The following CFAP299 variants were observed in gnomAD, a reference collection of about 807,000 sequenced individuals.
The protein encoded by CFAP299 is cilia and flagella associated protein 299, also known as cilia- and flagella-associated protein 299.
In CFAP299, 21 loss-of-function variants were observed where a neutral mutation model predicts 27.0. That is an observed-to-expected ratio of 0.78 (90% confidence interval 0.55 to 1.12). CFAP299 has a LOEUF of 1.12. Among genes scored for constraint, CFAP299 ranks in the 50% most tolerant of loss-of-function variants. CFAP299 has a pLI of 0.00. For missense variants in CFAP299, 310 were observed against 276.6 expected (o/e 1.12, Z -0.86); for synonymous variants, 104 against 98.1 (o/e 1.06, Z -0.36).
chr4:80,604,471 T>C (rs1737534199), intron 3 of CFAP299, among the ~76,000 whole-genome samples: 1 of 152,194 alleles, frequency 6.6e-6, no homozygotes, highest in Non-Finnish European at 1.5e-5. Flanking sequence ...AGAATTGATG[T>C]CTTGACACAA....
At chr4:80,884,672 A>G (rs1323839105) in intron 4 of CFAP299, among the ~76,000 whole-genome samples, 1 of 150,794 alleles carries the variant, frequency 6.6e-6, no homozygotes, top group Non-Finnish European at 1.5e-5. Flanking sequence ...AAAAAAATAG[A>G]AAAGAGCAAC....
At chr4:80,514,957 ATG>A in intron 2 of CFAP299, among the ~76,000 whole-genome samples, 1 of 152,194 alleles carries the variant, frequency 6.6e-6, no homozygotes, top group South Asian at 2.1e-4. Context: ...CAAAATATTA[ATG>A]AGTCACCTCA....
At chr4:80,672,779 G>C (rs1741573104) in intron 3 of CFAP299, among the ~76,000 whole-genome samples, 1 of 152,152 alleles carries the variant, frequency 6.6e-6, no homozygotes, top group Non-Finnish European at 1.5e-5. Context: ...AGATTTTCTA[G>C]TTTATTTGCA....
intron 3 of CFAP299, among the ~76,000 whole-genome samples, chr4:80,691,564 A>G (rs1277453947): frequency 6.6e-6 from 1 of 152,102 alleles, no homozygotes; most frequent in Admixed American, 6.5e-5. Flanking sequence ...GGAGCTATCT[A>G]TGACAAACCC....
chr4:80,456,176 G>A (rs1167767452), intron 2 of CFAP299, among the ~76,000 whole-genome samples: 5 of 152,108 alleles, frequency 3.3e-5, no homozygotes, highest in Non-Finnish European at 5.9e-5. Flanking sequence ...ACAGCAAGGA[G>A]GTGAGTGTGG....
intron 3 of CFAP299, among the ~76,000 whole-genome samples, chr4:80,753,706 T>C (rs1725067592): frequency 6.6e-6 from 1 of 152,164 alleles, no homozygotes; most frequent in South Asian, 2.1e-4. Flanking sequence ...CTCTTCAGTT[T>C]GGGACATTTC....
At chr4:80,638,565 A>C (rs1475173757) in intron 3 of CFAP299, among the ~76,000 whole-genome samples, 2 of 152,112 alleles carry the variant, frequency 1.3e-5, no homozygotes, top group Non-Finnish European at 2.9e-5. Flanking sequence ...GGAGTCCAAC[A>C]CTTGAGTCAT....
At chr4:80,858,096 G>T (rs1229733933) in intron 3 of CFAP299, among the ~76,000 whole-genome samples, 3 of 152,160 alleles carry the variant, frequency 2.0e-5, no homozygotes, top group Admixed American at 6.6e-5. Flanking sequence ...CCTGTTATTG[G>T]TCTATTCAGA....
chr4:80,589,782 A>G (rs1425917538), intron 3 of CFAP299, among the ~76,000 whole-genome samples: 1 of 152,216 alleles, frequency 6.6e-6, no homozygotes, highest in African/African-American at 2.4e-5. Context: ...AAAAATTTAA[A>G]GAGACCAGTT....
chr4:80,477,545 C>T (rs889602206), intron 2 of CFAP299, among the ~76,000 whole-genome samples: 7 of 152,172 alleles, frequency 4.6e-5, no homozygotes, highest in Admixed American at 4.6e-4. Flanking sequence ...TCCATCTTAT[C>T]CCACGATCAC....
chr4:80,530,582 A>G (rs1733416105), intron 2 of CFAP299, among the ~76,000 whole-genome samples: 1 of 152,178 alleles, frequency 6.6e-6, no homozygotes, highest in Non-Finnish European at 1.5e-5. Flanking sequence ...TTACCCACTA[A>G]CAAAATAAAG....
chr4:80,492,064 T>C (rs56062404), intron 2 of CFAP299, among the ~76,000 whole-genome samples: 6,735 of 152,280 alleles, frequency 0.044, 509 homozygotes, highest in African/African-American at 0.15. Flanking sequence ...TTTTTGTCTA[T>C]CCAGATCTTT....
intron 3 of CFAP299, among the ~76,000 whole-genome samples, chr4:80,863,763 G>A (rs906790294): frequency 6.6e-6 from 1 of 151,998 alleles, no homozygotes; most frequent in Non-Finnish European, 1.5e-5. Flanking sequence ...TTCTAGATAG[G>A]ATTAAAGGGT....
intron 3 of CFAP299, among the ~76,000 whole-genome samples, chr4:80,728,350 G>A (rs36115335): frequency 0.1 from 15,661 of 151,966 alleles, 940 homozygotes; most frequent in Middle Eastern, 0.21. Flanking sequence ...AAAGTATTGT[G>A]GAACAACAAC....
Position 80,690,932 on chromosome 4 carries a change from A to G in CFAP299, c.333+107749A>G, listed in dbSNP as rs963593457. ...ACAAACACCTCTATGCAAATAAACTAGAAAATCTAGAAGAAATGGATAAAT... is the reference window on the plus strand; with the variant it reads ...ACAAACACCTCTATGCAAATAAACTGGAAAATCTAGAAGAAATGGATAAAT... On this transcript the variant is annotated intron_variant, in intron 3 of 5. Coordinates refer to ENST00000358105, the MANE Select transcript of CFAP299 (RefSeq NM_152770.3). Among the ~76,000 whole-genome samples the G allele has an allele frequency of 1.1e-3, 168 of 149,772 alleles. 1 individual carries two copies. The highest frequency in any genetic ancestry group is 3.9e-3 in the African/African-American group (160 of 40,584).
intron 2 of CFAP299, among the ~76,000 whole-genome samples, chr4:80,426,853 A>C (rs1287265732): frequency 6.6e-6 from 1 of 152,200 alleles, no homozygotes; most frequent in Non-Finnish European, 1.5e-5. Context: ...TGACACTCTT[A>C]ATCCTTGTAG....
chr4:80,772,275 ACAAAAATATGT>A (rs772495397), intron 3 of CFAP299, among the ~76,000 whole-genome samples: 2 of 152,196 alleles, frequency 1.3e-5, no homozygotes, highest in Admixed American at 1.3e-4. Flanking sequence ...GAGAAAATTG[ACAAAAATATGT>A]CAAGAGTTGC....
intron 3 of CFAP299, among the ~76,000 whole-genome samples, chr4:80,792,530 T>A (rs1727630870): frequency 6.6e-6 from 1 of 152,128 alleles, no homozygotes; most frequent in South Asian, 2.1e-4. Flanking sequence ...AAGCTGTCAT[T>A]ACAGTAATGG....
At chr4:80,845,413 C>A (rs1254914533) in intron 3 of CFAP299, among the ~76,000 whole-genome samples, 2 of 152,002 alleles carry the variant, frequency 1.3e-5, no homozygotes, top group Non-Finnish European at 2.9e-5. Context: ...ATTATTAGAA[C>A]CCACATGGCC....
Sources: gnomAD v4.1 joint callset for allele counts (sites outside exome capture counted in the v4.1 genomes callset) on GRCh38, gnomAD v4.1.1 for gene constraint, MANE v1.5 for transcripts, NCBI Gene and HGNC (gene_info 2026-07-23, HGNC 2026-07-21) for gene names.